LNX2: variants seen among roughly 807,000 people sequenced by gnomAD.
The protein encoded by LNX2 is ligand of numb-protein X 2, also known as ligand of Numb protein X 2.
Under a neutral mutation model 66.2 loss-of-function variants are expected in LNX2, and 35 were observed. That is an observed-to-expected ratio of 0.53 (90% confidence interval 0.40 to 0.70). The LOEUF is 0.70. Ranked by LOEUF, LNX2 falls within the 30% of genes least tolerant of loss-of-function variation. The pLI, the probability that LNX2 is intolerant of heterozygous loss-of-function variation, is 0.00. For missense variants in LNX2, 791 were observed against 850.8 expected, an observed-to-expected ratio of 0.93 and a Z score of 0.87; for synonymous variants, 337 against 315.6, an observed-to-expected ratio of 1.07 and a Z score of -0.72.
Position 27,560,692 on chromosome 13 carries a change from A to C in LNX2, c.1225-707T>G, listed in dbSNP as rs1955124905. On this transcript the variant is annotated intron_variant, in intron 5 of 9. Coordinates refer to ENST00000316334, the MANE Select transcript of LNX2 (RefSeq NM_153371.4). ...TTGTTAGCTATCATATTTTGAACAT[A>C]TGTTTACATTGGTTACATTTTTACA... Among the ~76,000 whole-genome samples, 3 of 151,784 alleles carry C rather than the reference A, an allele frequency of 2.0e-5. No homozygotes were observed. The South Asian group carries it at 6.2e-4, about 31-fold the overall frequency.
chr13:27,590,019 G>C (rs1006695530), intron 1 of LNX2, among the ~76,000 whole-genome samples: 1 of 152,046 alleles, frequency 6.6e-6, no homozygotes, highest in Non-Finnish European at 1.5e-5. Flanking sequence ...GCATGATCTC[G>C]GCTCACTGCA....
Position 27,548,211 on chromosome 13 carries a change from G to A in LNX2, c.*124C>T. On this transcript the variant is annotated 3_prime_UTR_variant, in exon 10 of 10. Transcript: ENST00000316334. The stretch of plus-strand genomic sequence containing the variant: ...AAACATAAACGGACAATCTTAGTGG[G>A]TTTTGGCCCTGTGTATACCAGCAGT... The A allele has an allele frequency of 1.2e-6, 1 of 804,678 alleles. No individual in the cohort carries two copies. Among genetic ancestry groups the A allele is most frequent in the Admixed American group, 2.5e-5 (1 of 39,578 alleles). 49.8% of individuals were successfully genotyped at this position (804,678 alleles called of 1,614,324 possible). A position where few individuals can be genotyped will look rare whatever the true frequency, so the allele number is the denominator to read the frequency against.
In LNX2 at chr13:27,548,956, T is replaced by C. The variant is rs138592765; in HGVS notation, c.1938-486A>G. Among the ~76,000 whole-genome samples the C allele has an allele frequency of 1.3e-3, 199 of 152,332 alleles. 1 individual carries two copies. Among genetic ancestry groups the C allele is most frequent in the African/African-American group, 4.5e-3 (186 of 41,564 alleles). On this transcript the variant is annotated intron_variant, in intron 9 of 9. Transcript: ENST00000316334. ...TGGATGGATGATGAATTGGAGGACC[T>C]TTCCAGCCTTATAATTACCATAATT...
At chr13:27,572,330 T>C (rs544959489) in intron 2 of LNX2, among the ~76,000 whole-genome samples, 20 of 152,280 alleles carry the variant, frequency 1.3e-4, no homozygotes, top group African/African-American at 4.3e-4. Context: ...AGCAGGAGAC[T>C]AGTACAGAGG....
intron 7 of LNX2, among the ~76,000 whole-genome samples, chr13:27,554,111 A>G (rs1298231632): frequency 1.3e-5 from 2 of 152,224 alleles, no homozygotes; most frequent in African/African-American, 4.8e-5. Flanking sequence ...AAGTCTACAG[A>G]AATTTATCTC....
At chr13:27,614,695 C>T (rs889834356) in intron 1 of LNX2, among the ~76,000 whole-genome samples, 1 of 152,106 alleles carries the variant, frequency 6.6e-6, no homozygotes, top group Non-Finnish European at 1.5e-5. Context: ...GAAAAAGTCA[C>T]AAAACTGAAA....
chr13:27,580,327 GT>G (rs1405717611), intron 2 of LNX2, among the ~76,000 whole-genome samples: 2 of 150,228 alleles, frequency 1.3e-5, no homozygotes, highest in East Asian at 4.1e-4. Flanking sequence ...TCTCCTTCAA[GT>G]CTATGATTTT....
intron 5 of LNX2, among the ~76,000 whole-genome samples, chr13:27,561,473 G>A (rs1353138072): frequency 6.6e-6 from 1 of 152,108 alleles, no homozygotes; most frequent in Non-Finnish European, 1.5e-5. Flanking sequence ...TCCTAATGTT[G>A]CCTTTGATTT....
intron 9 of LNX2, 107 bp from the exon 10 acceptor site, chr13:27,548,577 C>T: frequency 1.8e-6 from 2 of 1,138,440 alleles, no homozygotes; most frequent in Non-Finnish European, 2.5e-6. Flanking sequence ...TACCACTGAA[C>T]TGTCAATGGT....
At position 27,562,747 on chromosome 13, in the gene LNX2, T is replaced by G; in HGVS notation, c.890A>C (p.Asn297Thr). The G allele has an allele frequency of 6.2e-7, 1 of 1,613,700 alleles. No individual in the cohort carries two copies. Among genetic ancestry groups the G allele is most frequent in the South Asian group, 1.1e-5 (1 of 91,016 alleles). ...CTGGGAAAGGACAGCTCGGGCATAGTTATGGGACACATTGCTGATATTGTA... is the reference window on the plus strand; with the variant it reads ...CTGGGAAAGGACAGCTCGGGCATAGGTATGGGACACATTGCTGATATTGTA... ...NNYNISNVSH[N>T]YARAVLSQPC... The change falls in exon 5 of 10, where the codon AAC (asparagine) becomes ACC (threonine). Residue 297 changes from asparagine to threonine, a missense_variant. Asn to Thr is a moderately conservative substitution (Grantham distance 65, BLOSUM62 0). Transcript: ENST00000316334.
At chr13:27,608,908 G>C (rs959243998) in intron 1 of LNX2, among the ~76,000 whole-genome samples, 1 of 151,238 alleles carries the variant, frequency 6.6e-6, no homozygotes, top group Admixed American at 6.6e-5. Flanking sequence ...AGGTTCAAGC[G>C]ATTCTCTTGC....
Position 27,559,968 on chromosome 13 carries a change from C to A in LNX2, c.1242G>T (p.Val414=). ...AQIIQASGER[V]NLTIARPGKP... ...TCCCTGGTCTAGCAATTGTTAAATT[C>A]ACTCTCTCTCCACTGGCCTGGAGAA... Residue 414 remains valine, a synonymous_variant, in exon 6 of 10, where the codon GTG becomes GTT. Transcript: ENST00000316334. The A allele has an allele frequency of 6.2e-7, 1 of 1,607,154 alleles. No individual in the cohort carries two copies. The highest frequency in any genetic ancestry group is 2.2e-5 in the East Asian group (1 of 44,770).
chr13:27,577,330 T>C (rs905915715), intron 2 of LNX2, among the ~76,000 whole-genome samples: 2 of 152,212 alleles, frequency 1.3e-5, no homozygotes, highest in Non-Finnish European at 2.9e-5. Context: ...CTGATAAGAA[T>C]GTGCTAAACA....
intron 1 of LNX2, among the ~76,000 whole-genome samples, chr13:27,615,316 A>G (rs1209544911): frequency 6.6e-6 from 1 of 152,208 alleles, no homozygotes; most frequent in East Asian, 1.9e-4. Flanking sequence ...ATATAGATGA[A>G]GAGATGCACA....
At chr13:27,562,133 T>C (rs181134808) in intron 5 of LNX2, among the ~76,000 whole-genome samples, 2 of 152,330 alleles carry the variant, frequency 1.3e-5, no homozygotes, top group African/African-American at 2.4e-5. Flanking sequence ...TCTGGCTTAA[T>C]AGTAGAACCC....
At chr13:27,590,069 C>T (rs1436644508) in intron 1 of LNX2, among the ~76,000 whole-genome samples, 1 of 152,102 alleles carries the variant, frequency 6.6e-6, no homozygotes, top group African/African-American at 2.4e-5. Flanking sequence ...CCTGCCTCGG[C>T]CTCCCCAGTA....
Position 27,553,224 on chromosome 13 carries a change from A to G in LNX2, c.1762T>C (p.Trp588Arg). The G allele has an allele frequency of 2.5e-6, 4 of 1,614,144 alleles. No individual in the cohort carries two copies. The highest frequency in any genetic ancestry group is 3.4e-6 in the Non-Finnish European group (4 of 1,180,004). The change falls in exon 8 of 10, where the codon TGG becomes CGG. Residue 588 changes from tryptophan to arginine, a missense_variant. By Grantham distance (101) the Trp-to-Arg change is moderately radical. Transcript: ENST00000316334. ...DASWSPSWVM[W>R]LGLPSTLHSC... ...GCTCAGTACCTGGGAAGCCCAAGCC[A>G]CATGACCCATGATGGGGACCAACTG...
Position 27,581,178 on chromosome 13 carries a change from T to C in LNX2, c.407+119A>G, listed in dbSNP as rs141139191. 3.2e-3 allele frequency: 2,130 copies of C among 668,716 alleles called. 9 individuals carry two copies. The highest frequency in any genetic ancestry group is 6.0e-3 in the Middle Eastern group (14 of 2,344). The allele number at this position is 668,716 out of a possible 1,614,324, so 41.4% of individuals were successfully genotyped here. A position where few individuals can be genotyped will look rare whatever the true frequency, so the allele number is the denominator to read the frequency against. ...CTTATTTATTGTATCTCTTCTGTAC[T>C]TGATTCACCCATTTACTTACTAGTG... On this transcript the variant is annotated intron_variant, in intron 2 of 9. Transcript: ENST00000316334.
intron 6 of LNX2, among the ~76,000 whole-genome samples, chr13:27,559,199 A>T (rs1364849847): frequency 1.3e-5 from 2 of 152,178 alleles, no homozygotes; most frequent in Non-Finnish European, 2.9e-5. Context: ...TTCTCAGCTC[A>T]GGTAGAATAC....
Sources: allele counts gnomAD v4.1 joint callset (sites outside exome capture counted in the v4.1 genomes callset), GRCh38; gene constraint gnomAD v4.1.1; transcripts MANE v1.5; gene names NCBI Gene and HGNC (gene_info 2026-07-23, HGNC 2026-07-21).